COG5: variants seen among roughly 807,000 people sequenced by gnomAD.
COG5 encodes component of oligomeric golgi complex 5, also known as conserved oligomeric Golgi complex subunit 5.
COG5 carries 86 observed loss-of-function variants against 110.4 expected under a neutral mutation model. The ratio of observed to expected loss-of-function variants is 0.78; its 90% CI spans 0.65 to 0.93. COG5 has a LOEUF of 0.93. Among genes scored for constraint, COG5 ranks in the 40% least tolerant of loss-of-function variants. The pLI is 0.00. For synonymous variants in COG5, 360 were observed against 334.6 expected (o/e 1.08, Z -0.83); for missense variants, 1,077 against 987.0 (o/e 1.09, Z -1.22).
chr7:107,212,705 A>ATTTTCCACAGAAAAT (rs1799267746), intron 19 of COG5, among the ~76,000 whole-genome samples: 1 of 152,216 alleles, frequency 6.6e-6, no homozygotes, highest in Non-Finnish European at 1.5e-5. Flanking sequence ...AGAAAATCCA[A>ATTTTCCACAGAAAAT]CTAACAATTA....
At chr7:107,405,955 C>G (rs1339637525) in intron 7 of COG5, among the ~76,000 whole-genome samples, 1 of 152,162 alleles carries the variant, frequency 6.6e-6, no homozygotes. Flanking sequence ...GCACCTCCAG[C>G]CTTCAGACTT....
chr7:107,348,512 G>C (rs372614694), intron 10 of COG5, among the ~76,000 whole-genome samples: 1 of 152,142 alleles, frequency 6.6e-6, no homozygotes, highest in African/African-American at 2.4e-5. Flanking sequence ...TACTTGAGCA[G>C]TTTTGGAAAG....
At chr7:107,464,301 A>C (rs1796173524) in intron 6 of COG5, among the ~76,000 whole-genome samples, 1 of 152,200 alleles carries the variant, frequency 6.6e-6, no homozygotes, top group African/African-American at 2.4e-5. Flanking sequence ...AGCTACAGCC[A>C]TACTGCCTTT....
At chr7:107,256,225 C>T (rs780020829) in intron 16 of COG5, among the ~76,000 whole-genome samples, 3 of 152,012 alleles carry the variant, frequency 2.0e-5, no homozygotes, top group Non-Finnish European at 4.4e-5. Flanking sequence ...GTTTCTCAAC[C>T]TTGGCATTAC....
chr7:107,213,255 C>G (rs1799302209), intron 19 of COG5, among the ~76,000 whole-genome samples: 1 of 152,168 alleles, frequency 6.6e-6, no homozygotes, highest in Non-Finnish European at 1.5e-5. Context: ...TCAGAGCCCA[C>G]CCCAAGGCCC....
intron 20 of COG5, among the ~76,000 whole-genome samples, 184 bp from the exon 21 acceptor site, chr7:107,210,789 A>G (rs1170680798): frequency 6.6e-6 from 1 of 152,242 alleles, no homozygotes; most frequent in African/African-American, 2.4e-5. Context: ...AGCCTTCTAG[A>G]TTTGCCAATT....
intron 14 of COG5, among the ~76,000 whole-genome samples, chr7:107,272,491 C>A (rs997176353): frequency 6.6e-6 from 1 of 152,182 alleles, no homozygotes; most frequent in African/African-American, 2.4e-5. Context: ...TGTGTCTCTG[C>A]AAGTCCTCAA....
chr7:107,361,110 A>G (rs1053295304), intron 10 of COG5, among the ~76,000 whole-genome samples: 3 of 152,216 alleles, frequency 2.0e-5, no homozygotes, highest in African/African-American at 7.2e-5. Context: ...TAACACTAGA[A>G]ACTCAGGAAA....
At chr7:107,314,645 A>G (rs1318262590) in intron 11 of COG5, among the ~76,000 whole-genome samples, 2 of 149,858 alleles carry the variant, frequency 1.3e-5, no homozygotes, top group Non-Finnish European at 3.0e-5. Context: ...GCTACTTGGG[A>G]GGCTGAGGCA....
At chr7:107,540,859 A>G (rs1459306383) in intron 5 of COG5, among the ~76,000 whole-genome samples, 1 of 152,028 alleles carries the variant, frequency 6.6e-6, no homozygotes, top group African/African-American at 2.4e-5. Flanking sequence ...ATGTTAAAAT[A>G]TATTTTATAG....
At chr7:107,453,377 A>T (rs934849217) in intron 6 of COG5, among the ~76,000 whole-genome samples, 1 of 152,222 alleles carries the variant, frequency 6.6e-6, no homozygotes, top group Non-Finnish European at 1.5e-5. Flanking sequence ...ATATATAGAT[A>T]ACTAACAAGG....
intron 7 of COG5, among the ~76,000 whole-genome samples, chr7:107,391,228 C>T (rs1584764484): frequency 6.6e-6 from 1 of 152,052 alleles, no homozygotes; most frequent in Non-Finnish European, 1.5e-5. Flanking sequence ...CTGTTTATGG[C>T]ACTCTCCTGG....
intron 6 of COG5, among the ~76,000 whole-genome samples, chr7:107,516,130 TA>T (rs1282015077): frequency 6.6e-6 from 1 of 152,236 alleles, no homozygotes; most frequent in Non-Finnish European, 1.5e-5. Flanking sequence ...TAACCTGCAT[TA>T]AAAAGTACAA....
chr7:107,486,961 T>C (rs1797690127), intron 6 of COG5, among the ~76,000 whole-genome samples: 1 of 152,098 alleles, frequency 6.6e-6, no homozygotes, highest in Non-Finnish European at 1.5e-5. Flanking sequence ...GCCTAAGTTA[T>C]ACCAAAAAAA....
intron 5 of COG5, among the ~76,000 whole-genome samples, chr7:107,528,492 T>C (rs1316623336): frequency 6.6e-6 from 1 of 152,202 alleles, no homozygotes; most frequent in African/African-American, 2.4e-5. Flanking sequence ...GGTCTTTAGC[T>C]ATCAAAAGGC....
intron 6 of COG5, among the ~76,000 whole-genome samples, chr7:107,480,526 G>A (rs901199883): frequency 1.3e-5 from 2 of 152,052 alleles, no homozygotes; most frequent in Non-Finnish European, 2.9e-5. Flanking sequence ...AAAGAACCCA[G>A]ATGAGGCTGG....
At chr7:107,296,646 A>G (rs1167478987) in intron 12 of COG5, among the ~76,000 whole-genome samples, 1 of 148,556 alleles carries the variant, frequency 6.7e-6, no homozygotes, top group Non-Finnish European at 1.5e-5. Flanking sequence ...CTGGCCTCTA[A>G]CTCCTAGGCT....
intron 6 of COG5, among the ~76,000 whole-genome samples, chr7:107,439,708 A>C (rs2129085331): frequency 6.6e-6 from 1 of 152,316 alleles, no homozygotes; most frequent in South Asian, 2.1e-4. Context: ...TGAGTTTTCT[A>C]AGTAGACTAT....
chr7:107,412,825 A>C (rs550358088), intron 6 of COG5, among the ~76,000 whole-genome samples, 193 bp from the exon 7 acceptor site: 1 of 152,312 alleles, frequency 6.6e-6, no homozygotes, highest in South Asian at 2.1e-4. Context: ...TGCTGGAGTT[A>C]AATGCTCCAA....
Sources: gnomAD v4.1 joint callset for allele counts (sites outside exome capture counted in the v4.1 genomes callset) on GRCh38, gnomAD v4.1.1 for gene constraint, MANE v1.5 for transcripts, NCBI Gene and HGNC (gene_info 2026-07-23, HGNC 2026-07-21) for gene names.